The following ZDHHC21 variants were observed in gnomAD, a reference collection of about 807,000 sequenced individuals.
ZDHHC21 encodes the protein zDHHC palmitoyltransferase 21, also known as palmitoyltransferase ZDHHC21.
Under a neutral mutation model 34.6 loss-of-function variants are expected in ZDHHC21, and 15 were observed. That is an observed-to-expected ratio of 0.43 (90% CI 0.29 to 0.67). The LOEUF is 0.67. Among genes scored for constraint, ZDHHC21 ranks in the 30% least tolerant of loss-of-function variants. The probability of loss-of-function intolerance (pLI) is 0.14; values close to 1 mark genes in which losing one functional copy is unlikely to be tolerated. For missense variants in ZDHHC21, 344 were observed against 327.7 expected (o/e 1.05, Z -0.38); for synonymous variants, 142 against 101.8 (o/e 1.40, Z -2.38).
Position 14,618,230 on chromosome 9 carries a change from T to C in ZDHHC21, c.*736A>G, listed in dbSNP as rs991361971. On this transcript the variant is annotated 3_prime_UTR_variant, in exon 10 of 10. Coordinates refer to ENST00000380916, the MANE Select transcript of ZDHHC21 (RefSeq NM_178566.6). ...GGAGTTCTCCTGGGAGCAAATATTT[T>C]AATCACAATCAATAATTACAACAGT... 1.3e-5 allele frequency: 2 copies of C among 152,530 alleles called. No individual in the cohort carries two copies. Among genetic ancestry groups the C allele is most frequent in the African/African-American group, 2.4e-5 (1 of 41,450 alleles). The allele number at this position is 152,530 out of a possible 1,614,324, so 9.4% of individuals were successfully genotyped here.
At chr9:14,682,719 A>T (rs1309478505) in intron 2 of ZDHHC21, among the ~76,000 whole-genome samples, 4 of 152,210 alleles carry the variant, frequency 2.6e-5, no homozygotes, top group African/African-American at 9.7e-5. Context: ...TCCACCTCAA[A>T]TCAACAGAAT....
At chr9:14,603,649 G>A in the ZDHHC21 span, among the ~76,000 whole-genome samples, 2 of 152,102 alleles carry the variant, frequency 1.3e-5, no homozygotes, top group Admixed American at 6.5e-5. Flanking sequence ...AGCTAATCTT[G>A]ATTTGCTAGA....
downstream of ZDHHC21, among the ~76,000 whole-genome samples, chr9:14,610,641 G>A (rs888986181): frequency 4.0e-5 from 6 of 151,814 alleles, no homozygotes; most frequent in Non-Finnish European, 8.8e-5. Context: ...AACTTCATAG[G>A]AGCACAGGCT....
At chr9:14,609,796 T>C (rs113991281), downstream of ZDHHC21, among the ~76,000 whole-genome samples, 133 of 152,196 alleles carry the variant, frequency 8.7e-4, no homozygotes, top group African/African-American at 3.0e-3. Context: ...AACTAAACTT[T>C]AAGAAACCAT....
chr9:14,671,678 T>A (rs1336847709), intron 5 of ZDHHC21, among the ~76,000 whole-genome samples: 2 of 147,582 alleles, frequency 1.4e-5, no homozygotes, highest in East Asian at 1.9e-4. Flanking sequence ...CAAAACCACA[T>A]GTCGAACATT....
rs780444022 is a variant in ZDHHC21 at position 14,619,005 on chromosome 9, T to C, written c.759A>G (p.Gln253=). 4 of 1,611,646 alleles carry C rather than the reference T, an allele frequency of 2.5e-6. No individual in the cohort carries two copies. Among genetic ancestry groups the C allele is most frequent in the Non-Finnish European group, 3.4e-6 (4 of 1,178,730 alleles). The stretch of plus-strand genomic sequence containing the variant: ...CAAAGTGGTAGGGAACTCGCAGTGG[T>C]TGCCTCTGCCTGAAAGGAATGAACC... The part of the protein sequence containing the change: ...ILWFIPFRQR[Q]PLRVPYHFAN... Residue 253 remains glutamine, a synonymous_variant, in exon 10 of 10, where the codon CAA becomes CAG. Transcript: ENST00000380916.
chr9:14,684,718 G>C (rs1236802950), intron 2 of ZDHHC21, among the ~76,000 whole-genome samples: 2 of 145,986 alleles, frequency 1.4e-5, no homozygotes, highest in Non-Finnish European at 3.1e-5. Flanking sequence ...AGCTCATATG[G>C]AACCAAAAAA....
chr9:14,589,899 C>T, the ZDHHC21 span: 1 of 152,102 alleles, frequency 6.6e-6, no homozygotes, highest in African/African-American at 2.4e-5. Context: ...TAAAACAATC[C>T]AGCATCCAAC....
intron 4 of ZDHHC21, 43 bp downstream of exon 4, chr9:14,674,144 G>C (rs1835932236): frequency 7.2e-7 from 1 of 1,387,076 alleles, no homozygotes; most frequent in Non-Finnish European, 9.5e-7. Context: ...CGTTTACAAT[G>C]AGAAAAATAA....
chr9:14,678,372 C>T (rs550805715), intron 3 of ZDHHC21, among the ~76,000 whole-genome samples: 4 of 151,940 alleles, frequency 2.6e-5, no homozygotes, highest in Non-Finnish European at 4.4e-5. Flanking sequence ...AAAAATACTG[C>T]AACACATGAC....
intron 7 of ZDHHC21, among the ~76,000 whole-genome samples, chr9:14,648,000 C>T (rs925438861): frequency 2.0e-5 from 3 of 152,076 alleles, no homozygotes; most frequent in South Asian, 4.1e-4. Context: ...GCAGAGTAAA[C>T]ATGTGTAAAA....
At chr9:14,673,014 T>C in intron 4 of ZDHHC21, 86 bp from the exon 5 acceptor site, 1 of 857,680 alleles carries the variant, frequency 1.2e-6, no homozygotes, top group Non-Finnish European at 1.7e-6. Context: ...AAAATGTATA[T>C]TTTAACAAAC....
At chr9:14,633,724 G>T (rs543245976) in intron 8 of ZDHHC21, among the ~76,000 whole-genome samples, 1 of 152,096 alleles carries the variant, frequency 6.6e-6, no homozygotes, top group Admixed American at 6.5e-5. Context: ...CAAATCCAGG[G>T]TGCATTTTCA....
Position 14,677,090 on chromosome 9 carries a change from A to G in ZDHHC21, c.-45-2705T>C, listed in dbSNP as rs144172265. Among the ~76,000 whole-genome samples the G allele has an allele frequency of 2.0e-5, 3 of 152,032 alleles. No homozygotes were observed. In the East Asian group the frequency reaches 5.8e-4, roughly 29 times the overall value. Reference sequence around the variant, plus strand: ...TTTATTCTCCTCTACTAGAGAACAAATTTTTCTTCATCACTGGAAGAGATC... The same window carrying G: ...TTTATTCTCCTCTACTAGAGAACAAGTTTTTCTTCATCACTGGAAGAGATC... On this transcript the variant is annotated intron_variant, in intron 3 of 9. Transcript: ENST00000380916.
At chr9:14,608,975 C>T (rs534144563), downstream of ZDHHC21, among the ~76,000 whole-genome samples, 2 of 152,214 alleles carry the variant, frequency 1.3e-5, no homozygotes, top group African/African-American at 2.4e-5. Context: ...CTGGAATATA[C>T]AGATACACAT....
chr9:14,672,661 G>A (rs961460379), intron 5 of ZDHHC21, among the ~76,000 whole-genome samples, 169 bp downstream of exon 5: 2 of 152,008 alleles, frequency 1.3e-5, no homozygotes, highest in Non-Finnish European at 2.9e-5. Flanking sequence ...TGCAGGGGGA[G>A]CAGGGTTGCA....
Position 14,614,658 on chromosome 9 carries a change from T to C in ZDHHC21, c.*4308A>G, listed in dbSNP as rs1823874728. The C allele has an allele frequency of 6.6e-6, 1 of 151,720 alleles. No individual in the cohort carries two copies. The highest frequency in any genetic ancestry group is 1.5e-5 in the Non-Finnish European group (1 of 67,726). The allele number at this position is 151,720 out of a possible 1,614,324, so 9.4% of individuals were successfully genotyped here. ...TAAATTCAGAGGATGATTTCTAGAATAAAAGTTAACAAACTTGGGCATTAA... is the reference window on the plus strand; with the variant it reads ...TAAATTCAGAGGATGATTTCTAGAACAAAAGTTAACAAACTTGGGCATTAA... On this transcript the variant is annotated 3_prime_UTR_variant, in exon 10 of 10. Transcript: ENST00000380916.
At chr9:14,653,105 A>G (rs1831533170) in intron 7 of ZDHHC21, among the ~76,000 whole-genome samples, 1 of 150,634 alleles carries the variant, frequency 6.6e-6, no homozygotes, top group African/African-American at 2.5e-5. Flanking sequence ...ATATCCAAAG[A>G]TAGTTAGGGA....
the ZDHHC21 span, chr9:14,594,253 A>C: frequency 1.3e-5 from 2 of 152,164 alleles, no homozygotes; most frequent in Non-Finnish European, 2.9e-5. Flanking sequence ...AATACAAAGG[A>C]CCTAAGATAG....
Sources: allele counts gnomAD v4.1 joint callset (sites outside exome capture counted in the v4.1 genomes callset), GRCh38; gene constraint gnomAD v4.1.1; transcripts MANE v1.5; gene names NCBI Gene and HGNC (gene_info 2026-07-23, HGNC 2026-07-21).